The following GLP1R variants were observed in gnomAD, a reference collection of about 807,000 sequenced individuals.
GLP1R encodes glucagon-like peptide 1 receptor.
GLP1R carries 32 observed loss-of-function variants against 68.4 expected under a neutral mutation model. The observed-to-expected ratio is 0.47, with a 90% CI of 0.35 to 0.63. GLP1R has a LOEUF of 0.63. Among genes scored for constraint, GLP1R ranks in the 20% least tolerant of loss-of-function variants. GLP1R has a pLI of 0.00. For synonymous variants in GLP1R, 263 were observed against 244.4 expected (o/e 1.08, Z -0.71); for missense variants, 502 against 594.9 (o/e 0.84, Z 1.62).
chr6:39,075,905 A>G (rs1768806219), intron 7 of GLP1R, among the ~76,000 whole-genome samples: 2 of 152,206 alleles, frequency 1.3e-5, no homozygotes, highest in Non-Finnish European at 2.9e-5. Context: ...GGGAATCATT[A>G]CTTCCTGGAG....
At chr6:39,083,690 A>T (rs1448353596) in intron 12 of GLP1R, among the ~76,000 whole-genome samples, 6 of 152,078 alleles carry the variant, frequency 3.9e-5, no homozygotes, top group Admixed American at 2.6e-4. Context: ...GAGCTTCCCA[A>T]TTCACCCCGA....
intron 12 of GLP1R, among the ~76,000 whole-genome samples, chr6:39,084,906 G>T (rs140675155): frequency 7.7e-4 from 118 of 152,308 alleles, no homozygotes; most frequent in African/African-American, 2.7e-3. Context: ...ACAGCCGCTG[G>T]CATCTGGCTG....
At chr6:39,075,956 T>C (rs926480634) in intron 7 of GLP1R, among the ~76,000 whole-genome samples, 1 of 152,230 alleles carries the variant, frequency 6.6e-6, no homozygotes, top group Non-Finnish European at 1.5e-5. Flanking sequence ...TTCTCCAACC[T>C]GTCTTGCTCG....
At position 39,066,250 on chromosome 6, in the gene GLP1R, C is replaced by A. The variant is rs200564025; in HGVS notation, c.456C>A (p.Tyr152Ter). ...LFLYIIYTVGYALSFSALVIA... is the reference protein window; with the variant it reads ...LFLYIIYTVG ...TCTACATCATCTACACGGTGGGCTA[C>A]GCACTCTCCTTCTCTGCTCTGGTTA... Residue 152 changes from tyrosine to a stop codon, truncating the protein, a stop_gained, in exon 5 of 13, where the codon TAC becomes TAA. Coordinates refer to ENST00000373256, the MANE Select transcript of GLP1R (RefSeq NM_002062.5). LOFTEE classifies it high-confidence loss of function. 6.2e-7 allele frequency: 1 copy of A among 1,613,338 alleles called. No individual in the cohort carries two copies.
At position 39,056,386 on chromosome 6, in the gene GLP1R, C is replaced by T. The variant is rs752706975; in HGVS notation, c.79-11C>T. ...GAACCCACAGGCCTCCCATATATGC[C>T]CTCCCCCCAGGGTGCCACTGTGTCC... is the stretch of plus-strand genomic sequence containing the variant. On this transcript the variant is annotated splice_polypyrimidine_tract_variant and intron_variant, in intron 1 of 12. Coordinates refer to ENST00000373256, the MANE Select transcript of GLP1R (RefSeq NM_002062.5). 5.3e-6 allele frequency: 8 copies of T among 1,499,690 alleles called. No individual in the cohort carries two copies. The highest frequency in any genetic ancestry group is 6.5e-6 in the Non-Finnish European group (7 of 1,077,126). 92.9% of individuals were successfully genotyped at this position (1,499,690 alleles called of 1,614,324 possible). A position where few individuals can be genotyped will look rare whatever the true frequency, so the allele number is the denominator to read the frequency against.
chr6:39,054,768 T>C (rs1221463004), intron 1 of GLP1R, among the ~76,000 whole-genome samples: 1 of 152,154 alleles, frequency 6.6e-6, no homozygotes, highest in Non-Finnish European at 1.5e-5. Flanking sequence ...CTCTCTGCCC[T>C]CCACCCCCAG....
In GLP1R at chr6:39,085,982, A is replaced by C. The variant is rs138405478; in HGVS notation, c.1301A>C (p.Lys434Thr). The C allele has an allele frequency of 6.2e-7, 1 of 1,613,892 alleles. No individual in the cohort carries two copies. The highest frequency in any genetic ancestry group is 8.5e-7 in the Non-Finnish European group (1 of 1,179,864). Reference protein sequence around the residue: ...HLHIQRDSSMKPLKCPTSSLS... With the variant: ...HLHIQRDSSMTPLKCPTSSLS... ...CACATCCAGAGGGACAGCAGCATGA[A>C]GCCCCTCAAGTGTCCCACCAGCAGC... Residue 434 changes from lysine (K) to threonine (T), a missense_variant, in exon 13 of 13, where the codon AAG becomes ACG. Lys to Thr is a moderately conservative substitution (Grantham distance 78). Coordinates refer to ENST00000373256, the MANE Select transcript of GLP1R (RefSeq NM_002062.5).
Position 39,067,808 on chromosome 6 carries a change from T to G in GLP1R, c.509+1505T>G, listed in dbSNP as rs138365601. Among the ~76,000 whole-genome samples, 1,104 of 152,344 alleles carry G rather than the reference T, an allele frequency of 7.2e-3. 14 individuals carry two copies. Among genetic ancestry groups the G allele is most frequent in the Non-Finnish European group, 7.0e-3 (473 of 68,038 alleles). On this transcript the variant is annotated intron_variant, in intron 5 of 12. Coordinates refer to ENST00000373256, the MANE Select transcript of GLP1R (RefSeq NM_002062.5). ...AAATATTATTTAAATCAGGTATGTGTGAGACTCAAGGGATGATTCCTCCTG... is the reference window on the plus strand; with the variant it reads ...AAATATTATTTAAATCAGGTATGTGGGAGACTCAAGGGATGATTCCTCCTG...
intron 1 of GLP1R, among the ~76,000 whole-genome samples, chr6:39,052,779 T>C (rs1276270524): frequency 6.6e-6 from 1 of 152,216 alleles, no homozygotes; most frequent in African/African-American, 2.4e-5. Context: ...AGAAGAATGA[T>C]ATGCCCATTT....
In GLP1R at chr6:39,065,742, A is replaced by G; in HGVS notation, c.315A>G (p.Thr105=). The G allele has an allele frequency of 3.8e-6, 6 of 1,576,354 alleles. No homozygotes were observed. Among genetic ancestry groups the G allele is most frequent in the Non-Finnish European group, 5.2e-6 (6 of 1,160,542 alleles). Residue 105 remains threonine, a synonymous_variant, in exon 4 of 13, where the codon ACA becomes ACG. Transcript: ENST00000373256. ...VPQGHVYRFC[T]AEGLWLQKDN... The stretch of plus-strand genomic sequence containing the variant: ...AGGGCCACGTGTACCGGTTCTGCAC[A>G]GCTGAAGGCCTCTGGCTGCAGAAGG...
Position 39,079,246 on chromosome 6 carries a change from C to T in GLP1R, c.1043+46C>T. Reference sequence around the variant, plus strand: ...TTACTGAGGACCCTCAGCAAGTGCCCCTTTCCTTCTAGCAGAGAGAGAGAG... The same window carrying T: ...TTACTGAGGACCCTCAGCAAGTGCCTCTTTCCTTCTAGCAGAGAGAGAGAG... On this transcript the variant is annotated intron_variant, in intron 10 of 12. Transcript: ENST00000373256. This position sits in a 1 kb window ranked among gnomAD's most constrained non-coding sequence, Gnocchi z 4.5. 2 of 1,300,082 alleles carry T rather than the reference C, an allele frequency of 1.5e-6. No individual in the cohort carries two copies. The highest frequency in any genetic ancestry group is 2.2e-6 in the Non-Finnish European group (2 of 893,540). 80.5% of individuals were successfully genotyped at this position (1,300,082 alleles called of 1,614,324 possible). A position where few individuals can be genotyped will look rare whatever the true frequency, so the allele number is the denominator to read the frequency against.
chr6:39,077,653 G>A (rs1008785535), intron 7 of GLP1R, among the ~76,000 whole-genome samples: 2 of 152,258 alleles, frequency 1.3e-5, no homozygotes, highest in South Asian at 4.1e-4. Context: ...AAGGGTATGA[G>A]CACAGGAGGT....
chr6:39,068,451 G>A (rs952466614), intron 5 of GLP1R, among the ~76,000 whole-genome samples: 14 of 152,264 alleles, frequency 9.2e-5, no homozygotes, highest in African/African-American at 2.6e-4. Flanking sequence ...TCTCTGTAGC[G>A]GCCCCACACC....
At position 39,079,105 on chromosome 6, in the gene GLP1R, C is replaced by T. The variant is rs766392467; in HGVS notation, c.955-7C>T. ...GCCCCCTGCCAATCCCCGGCCCCACCCCGCAGGTGAACTTCCTCATCTTTG... is the reference window on the plus strand; with the variant it reads ...GCCCCCTGCCAATCCCCGGCCCCACTCCGCAGGTGAACTTCCTCATCTTTG... On this transcript the variant is annotated splice_polypyrimidine_tract_variant and splice_region_variant and intron_variant, in intron 9 of 12. Transcript: ENST00000373256. This position sits in a 1 kb window ranked among gnomAD's most constrained non-coding sequence, Gnocchi z 4.5. 1.2e-6 allele frequency: 2 copies of T among 1,613,696 alleles called. No individual in the cohort carries two copies. Among genetic ancestry groups the T allele is most frequent in the South Asian group, 1.1e-5 (1 of 91,080 alleles).
chr6:39,051,795 T>A (rs1030230647), intron 1 of GLP1R, among the ~76,000 whole-genome samples: 1 of 151,714 alleles, frequency 6.6e-6, no homozygotes, highest in African/African-American at 2.4e-5. Flanking sequence ...AGTCCCTGTG[T>A]GTGCAACATC....
chr6:39,057,903 C>G (rs940003635), intron 3 of GLP1R, among the ~76,000 whole-genome samples: 1 of 152,166 alleles, frequency 6.6e-6, no homozygotes, highest in Non-Finnish European at 1.5e-5. Context: ...CTCCCTCCCC[C>G]ACCGTCCCCT....
intron 3 of GLP1R, among the ~76,000 whole-genome samples, chr6:39,061,106 C>A (rs1434127337): frequency 8.5e-5 from 13 of 152,210 alleles, no homozygotes; most frequent in Non-Finnish European, 1.5e-5. Flanking sequence ...GGCCAGGCCA[C>A]GGGCCTCGGA....
intron 5 of GLP1R, among the ~76,000 whole-genome samples, chr6:39,071,637 G>C (rs1360221611): frequency 6.6e-6 from 1 of 151,906 alleles, no homozygotes; most frequent in East Asian, 1.9e-4. Context: ...TGTATGGGTT[G>C]GTTTCAGTCA....
intron 3 of GLP1R, among the ~76,000 whole-genome samples, chr6:39,059,426 T>C (rs1238396003): frequency 6.6e-6 from 1 of 152,170 alleles, no homozygotes; most frequent in African/African-American, 2.4e-5. Flanking sequence ...GGCTCTGGCC[T>C]GGAGACAGGT....
Sources: allele counts gnomAD v4.1 joint callset (sites outside exome capture counted in the v4.1 genomes callset), GRCh38; gene constraint gnomAD v4.1.1; non-coding constraint Gnocchi (gnomAD v3.1); transcripts MANE v1.5; gene names NCBI Gene and HGNC (gene_info 2026-07-23, HGNC 2026-07-21).